Variants in BCO1 observed in about 807,000 individuals in gnomAD.
BCO1 encodes beta-carotene oxygenase 1.
A neutral mutation model predicts 56.3 loss-of-function variants in BCO1; 54 were observed. The ratio of observed to expected loss-of-function variants is 0.96; its 90% CI spans 0.77 to 1.20. The LOEUF is 1.20. BCO1 is among the 50% of genes most tolerant of loss of function. The probability of loss-of-function intolerance (pLI) is 0.00; values close to 1 mark genes in which losing one functional copy is unlikely to be tolerated. For synonymous variants in BCO1, 318 were observed against 266.1 expected (o/e 1.20, Z -1.90); for missense variants, 801 against 690.9 (o/e 1.16, Z -1.79).
At chr16:81,261,688 C>T (rs1224719362) in intron 3 of BCO1, among the ~76,000 whole-genome samples, 1 of 152,104 alleles carries the variant, frequency 6.6e-6, no homozygotes, top group Non-Finnish European at 1.5e-5. Flanking sequence ...TCTTAGGATT[C>T]CTCAGGTGAC....
intron 8 of BCO1, among the ~76,000 whole-genome samples, chr16:81,284,546 C>G (rs1479925977): frequency 6.6e-6 from 1 of 151,936 alleles, no homozygotes; most frequent in Non-Finnish European, 1.5e-5. Flanking sequence ...TTATTAAAAT[C>G]ATTTGTAAAT....
In BCO1 at chr16:81,290,476, G is replaced by T; in HGVS notation, c.1543G>T (p.Gly515Ter). The change falls in exon 11 of 11, where the codon GGA (glycine) becomes TGA (stop). Residue 515 changes from glycine to a stop codon, truncating the protein, a stop_gained. Coordinates refer to ENST00000258168, the MANE Select transcript of BCO1 (RefSeq NM_017429.3). LOFTEE classifies it low-confidence loss of function (END_TRUNC). ...VDVDMHMDLHGLFITDMDWDT... is the reference protein window; with the variant it reads ...VDVDMHMDLH ...TGTCGATATGCACATGGATCTCCATGGATTATTCATTACAGACATGGACTG... is the reference window on the plus strand; with the variant it reads ...TGTCGATATGCACATGGATCTCCATTGATTATTCATTACAGACATGGACTG... 1 of 1,614,138 alleles carries T rather than the reference G, an allele frequency of 6.2e-7. No homozygotes were observed. The highest frequency in any genetic ancestry group is 8.5e-7 in the Non-Finnish European group (1 of 1,180,026).
chr16:81,244,281 C>T (rs969579858), intron 1 of BCO1, among the ~76,000 whole-genome samples: 3 of 152,272 alleles, frequency 2.0e-5, no homozygotes, highest in East Asian at 1.9e-4. Context: ...CTATGCCACA[C>T]GTGCACTTTT....
Position 81,245,016 on chromosome 16 carries a change from G to A in BCO1, c.65-459G>A, listed in dbSNP as rs551633860. ...AGTGATTCTCCTGCCTCAGCCTCCC[G>A]AGTAGCTGGGATTACAGGCGCTCAC... On this transcript the variant is annotated intron_variant, in intron 1 of 10. Transcript: ENST00000258168. Among the ~76,000 whole-genome samples, 8 of 152,022 alleles carry A rather than the reference G, an allele frequency of 5.3e-5. No homozygotes were observed. In the South Asian group the frequency reaches 8.3e-4, roughly 16 times the overall value.
intron 8 of BCO1, among the ~76,000 whole-genome samples, chr16:81,282,954 A>T (rs2150643241): frequency 6.6e-6 from 1 of 152,286 alleles, no homozygotes; most frequent in South Asian, 2.1e-4. Context: ...TCTGGCCTAT[A>T]GGGAGAGTCC....
At position 81,290,972 on chromosome 16, in the gene BCO1, T is replaced by C. The variant is rs2150653846; in HGVS notation, c.*395T>C. ...TTGTGCCTTCCTCTGTCTCTTTCTC[T>C]TTCCTTTGCTCCCTCCCATGTTTCT... On this transcript the variant is annotated 3_prime_UTR_variant, in exon 11 of 11. Coordinates refer to ENST00000258168, the MANE Select transcript of BCO1 (RefSeq NM_017429.3). 1 of 183,098 alleles carries C rather than the reference T, an allele frequency of 5.5e-6. No individual in the cohort carries two copies. Among genetic ancestry groups the C allele is most frequent in the Non-Finnish European group, 1.2e-5 (1 of 86,146 alleles). The allele number at this position is 183,098 out of a possible 1,614,324, so 11.3% of individuals were successfully genotyped here.
At chr16:81,248,357 T>C (rs7204165) in intron 2 of BCO1, among the ~76,000 whole-genome samples, 61,944 of 144,408 alleles carry the variant, frequency 0.43, 13,279 homozygotes, top group Middle Eastern at 0.54. Flanking sequence ...GAGCTGAGAT[T>C]GCACCATTGC....
intron 7 of BCO1, among the ~76,000 whole-genome samples, chr16:81,271,990 G>GC (rs1359580786): frequency 4.6e-5 from 7 of 152,138 alleles, no homozygotes; most frequent in South Asian, 2.1e-4. Flanking sequence ...CAGGCAATCT[G>GC]CCCCCCTACG....
intron 7 of BCO1, among the ~76,000 whole-genome samples, chr16:81,274,670 G>C (rs1164113285): frequency 6.6e-6 from 1 of 152,172 alleles, no homozygotes; most frequent in Non-Finnish European, 1.5e-5. Context: ...CTGAGGTCAG[G>C]AGTTCAACAC....
intron 5 of BCO1, among the ~76,000 whole-genome samples, chr16:81,266,374 T>G (rs564564933): frequency 1.3e-5 from 2 of 152,240 alleles, no homozygotes; most frequent in East Asian, 3.9e-4. Flanking sequence ...CTGACAGGAC[T>G]CAGGAGACAG....
chr16:81,268,176 T>C (rs972299321), intron 6 of BCO1, 45 bp downstream of exon 6: 3 of 1,550,946 alleles, frequency 1.9e-6, no homozygotes, highest in African/African-American at 2.7e-5. Context: ...TGGCTGACCA[T>C]GGAGGGAGGC....
At position 81,251,269 on chromosome 16, in the gene BCO1, C is replaced by CA. The variant is rs967714567; in HGVS notation, c.193+5669dup. On this transcript the variant is annotated intron_variant, in intron 2 of 10. Coordinates refer to ENST00000258168, the MANE Select transcript of BCO1 (RefSeq NM_017429.3). ...AGAAATTAATGCTCTAAAAAAAAAA[C>CA]AAAGAGGGACCAGAGGTTGTGGTTC... 7.4e-4 allele frequency among the ~76,000 whole-genome samples: 112 copies of CA among 151,492 alleles called. 1 individual carries two copies. The highest frequency in any genetic ancestry group is 2.6e-3 in the African/African-American group (106 of 41,320).
intron 7 of BCO1, 90 bp from the exon 8 acceptor site, chr16:81,280,767 C>CA (rs1907831944): frequency 1.1e-6 from 1 of 916,368 alleles, no homozygotes; most frequent in Admixed American, 2.0e-5. Flanking sequence ...GACATGTATT[C>CA]AAGCATTTTA....
At chr16:81,260,670 G>A (rs760135052) in intron 3 of BCO1, among the ~76,000 whole-genome samples, 36 of 151,990 alleles carry the variant, frequency 2.4e-4, no homozygotes, top group Admixed American at 7.9e-4. Flanking sequence ...CACCACGCCC[G>A]GCTAATTTTT....
At chr16:81,253,467 C>G (rs1403762573) in intron 2 of BCO1, among the ~76,000 whole-genome samples, 1 of 152,262 alleles carries the variant, frequency 6.6e-6, no homozygotes, top group Non-Finnish European at 1.5e-5. Flanking sequence ...GGATTCATAT[C>G]CATGTGGAGA....
At chr16:81,267,706 G>T (rs551611158) in intron 5 of BCO1, among the ~76,000 whole-genome samples, 2 of 152,176 alleles carry the variant, frequency 1.3e-5, no homozygotes, top group African/African-American at 2.4e-5. Context: ...TTTTCAGATT[G>T]TATATGGGGT....
rs902322528 is a variant in BCO1 at position 81,238,770 on chromosome 16, A to C, written c.-139A>C. 14 of 787,088 alleles carry C rather than the reference A, an allele frequency of 1.8e-5. No homozygotes were observed. In the African/African-American group the frequency reaches 2.4e-4, roughly 13 times the overall value. The allele number at this position is 787,088 out of a possible 1,614,324, so 48.8% of individuals were successfully genotyped here. A position where few individuals can be genotyped will look rare whatever the true frequency, so the allele number is the denominator to read the frequency against. ...AGGAAAAAGCAAAGGCAGAAACGGC[A>C]TCAGGAGAGACAGAGATGTGAAGGA... On this transcript the variant is annotated 5_prime_UTR_variant, in exon 1 of 11. Transcript: ENST00000258168.
intron 1 of BCO1, 97 bp downstream of exon 1, chr16:81,239,069 T>A (rs1464063715): frequency 2.7e-6 from 3 of 1,096,372 alleles, no homozygotes; most frequent in African/African-American, 3.2e-5. Context: ...CGGGCTGGAG[T>A]CCAGTGGCTT....
At chr16:81,287,434 T>C in intron 10 of BCO1, 28 bp downstream of exon 10, 1 of 1,560,104 alleles carries the variant, frequency 6.4e-7, no homozygotes, top group Non-Finnish European at 8.8e-7. Flanking sequence ...CACGCCTAGT[T>C]GCTGCACGTT....
Sources: gnomAD v4.1 joint callset for allele counts (sites outside exome capture counted in the v4.1 genomes callset) on GRCh38, gnomAD v4.1.1 for gene constraint, MANE v1.5 for transcripts, NCBI Gene and HGNC (gene_info 2026-07-23, HGNC 2026-07-21) for gene names.